Variants in GALNT10 observed in about 807,000 individuals in gnomAD.
GALNT10 encodes the protein polypeptide N-acetylgalactosaminyltransferase 10.
A neutral mutation model predicts 75.0 loss-of-function variants in GALNT10; 41 were observed. That is an observed-to-expected ratio of 0.55 (90% CI 0.43 to 0.71). The LOEUF (loss-of-function observed/expected upper bound fraction) is 0.71, where lower values mean the gene tolerates loss of function less well. Ranked by LOEUF, GALNT10 falls within the 30% of genes least tolerant of loss-of-function variation. The pLI is 0.00. For missense variants in GALNT10, 727 were observed against 818.5 expected (o/e 0.89, Z 1.36); for synonymous variants, 302 against 313.0 (o/e 0.96, Z 0.37).
chr5:154,259,055 A>G (rs556085954), intron 1 of GALNT10, among the ~76,000 whole-genome samples: 47 of 152,304 alleles, frequency 3.1e-4, no homozygotes, highest in Admixed American at 5.9e-4. Flanking sequence ...TATTGAAACA[A>G]TATTATTAAC....
At chr5:154,261,075 C>A (rs578050882) in intron 1 of GALNT10, among the ~76,000 whole-genome samples, 2 of 152,286 alleles carry the variant, frequency 1.3e-5, no homozygotes, top group African/African-American at 4.8e-5. Context: ...TGGGGACACC[C>A]ATTGTTAAAC....
intron 5 of GALNT10, 120 bp from the exon 6 acceptor site, chr5:154,380,328 T>C (rs991429218): frequency 6.3e-6 from 5 of 793,644 alleles, no homozygotes; most frequent in Middle Eastern, 5.1e-4. Flanking sequence ...TTCCCCTCCA[T>C]GGATTGTCAA....
At chr5:154,265,792 G>A (rs926376961) in intron 1 of GALNT10, among the ~76,000 whole-genome samples, 5 of 151,934 alleles carry the variant, frequency 3.3e-5, no homozygotes, top group South Asian at 2.1e-4. Context: ...GTGGGTTTTC[G>A]GTTTTCTGGA....
intron 1 of GALNT10, among the ~76,000 whole-genome samples, chr5:154,226,622 T>G (rs1581928113): frequency 6.6e-6 from 1 of 152,376 alleles, no homozygotes; most frequent in East Asian, 1.9e-4. Flanking sequence ...TATCTCTGTT[T>G]TCAGTGTTCT....
At chr5:154,386,494 G>A (rs762296591) in intron 7 of GALNT10, 64 bp downstream of exon 7, 2 of 1,025,648 alleles carry the variant, frequency 1.9e-6, no homozygotes, top group Non-Finnish European at 3.1e-6. Context: ...CCCAGTAGGT[G>A]TCTCAGCTTC....
At chr5:154,282,722 C>T (rs1295246699) in intron 1 of GALNT10, among the ~76,000 whole-genome samples, 1 of 152,218 alleles carries the variant, frequency 6.6e-6, no homozygotes, top group Non-Finnish European at 1.5e-5. Context: ...AGTCAATCCT[C>T]AGAACCCTTT....
At chr5:154,408,739 C>T (rs1026904414) in intron 8 of GALNT10, among the ~76,000 whole-genome samples, 4 of 152,126 alleles carry the variant, frequency 2.6e-5, no homozygotes. Flanking sequence ...GATGGAATTA[C>T]ACCTTTTGGT....
intron 1 of GALNT10, among the ~76,000 whole-genome samples, chr5:154,280,374 TA>T (rs1198628042): frequency 2.0e-5 from 3 of 152,184 alleles, no homozygotes; most frequent in Non-Finnish European, 4.4e-5. Flanking sequence ...AACAATAATT[TA>T]TTGTATTTTT....
At chr5:154,208,009 G>A (rs1775137103) in intron 1 of GALNT10, among the ~76,000 whole-genome samples, 1 of 152,130 alleles carries the variant, frequency 6.6e-6, no homozygotes, top group East Asian at 1.9e-4. Flanking sequence ...ACCAGACAAG[G>A]CAGAGGTGCT....
chr5:154,338,109 T>C (rs772436431), intron 4 of GALNT10: 18 of 1,053,684 alleles, frequency 1.7e-5, no homozygotes, highest in Non-Finnish European at 2.6e-5. Context: ...CCAGCAAATA[T>C]CTTTTTCACA....
intron 1 of GALNT10, among the ~76,000 whole-genome samples, chr5:154,246,141 TCA>T (rs1491297269): frequency 8.2e-6 from 1 of 121,498 alleles, no homozygotes; most frequent in Admixed American, 1.1e-4. Flanking sequence ...CATGAATTCA[TCA>T]TTTTTTTTGG....
Position 154,412,547 on chromosome 5 carries a change from G to A in GALNT10, c.1387-342G>A, listed in dbSNP as rs1470360701. 2.1e-5 allele frequency: 6 copies of A among 284,284 alleles called. No homozygotes were observed. The highest frequency in any genetic ancestry group is 4.1e-5 in the Non-Finnish European group (6 of 147,370). 17.6% of individuals were successfully genotyped at this position (284,284 alleles called of 1,614,324 possible). A position where few individuals can be genotyped will look rare whatever the true frequency, so the allele number is the denominator to read the frequency against. On this transcript the variant is annotated intron_variant, in intron 9 of 11. Transcript: ENST00000297107. This position sits in a 1 kb window ranked among gnomAD's most constrained non-coding sequence, Gnocchi z 4.2. ...TGCACCTGAGTCACCTGGAATGGGG[G>A]TAAAATCTGGTTCCTGGACCTGTCG...
intron 1 of GALNT10, among the ~76,000 whole-genome samples, chr5:154,283,991 G>A (rs1581955060): frequency 6.6e-6 from 1 of 152,210 alleles, no homozygotes; most frequent in Non-Finnish European, 1.5e-5. Context: ...ATTACAATAG[G>A]TTGGTGATGT....
Position 154,335,506 on chromosome 5 carries a change from C to T in GALNT10, c.568+5768C>T, listed in dbSNP as rs539397391. The stretch of plus-strand genomic sequence containing the variant: ...TTAGGGAAGGGAAGAATGTTCCAGG[C>T]AGAAAGAGCAGGACAAGCACAGGCT... On this transcript the variant is annotated intron_variant, in intron 4 of 11. Transcript: ENST00000297107. Among the ~76,000 whole-genome samples the T allele has an allele frequency of 2.0e-5, 3 of 152,200 alleles. No individual in the cohort carries two copies. The South Asian group carries it at 6.2e-4, about 32-fold the overall frequency.
Position 154,379,496 on chromosome 5 carries a change from A to G in GALNT10, c.755-952A>G, listed in dbSNP as rs530109867. 1.4e-3 allele frequency among the ~76,000 whole-genome samples: 216 copies of G among 152,290 alleles called. 1 individual carries two copies. The highest frequency in any genetic ancestry group is 7.7e-3 in the South Asian group (37 of 4,828). ...CCAGGCTCCCATTTCTGAGCCTCGAATTTGACTTCTGGCCCAAAGCAACCA... is the reference window on the plus strand; with the variant it reads ...CCAGGCTCCCATTTCTGAGCCTCGAGTTTGACTTCTGGCCCAAAGCAACCA... On this transcript the variant is annotated intron_variant, in intron 5 of 11. Coordinates refer to ENST00000297107, the MANE Select transcript of GALNT10 (RefSeq NM_198321.4).
At position 154,206,448 on chromosome 5, in the gene GALNT10, AAG is replaced by A. The variant is rs148648988; in HGVS notation, c.159+15424_159+15425del. On this transcript the variant is annotated intron_variant, in intron 1 of 11. Transcript: ENST00000297107. ...GCCTTGAGAGAGCTCCTAGTCTAAA[AAG>A]GGACGCAGACAAGTTCACGGGGATG... 8.1e-3 allele frequency among the ~76,000 whole-genome samples: 1,234 copies of A among 152,352 alleles called. 22 individuals are homozygous for A. The highest frequency in any genetic ancestry group is 0.028 in the African/African-American group (1,177 of 41,586).
At position 154,190,963 on chromosome 5, in the gene GALNT10, G is replaced by T; in HGVS notation, c.97G>T (p.Glu33Ter). The change falls in exon 1 of 12, where the codon GAG becomes TAG. Residue 33 changes from glutamate to a stop codon, truncating the protein, a stop_gained. Coordinates refer to ENST00000297107, the MANE Select transcript of GALNT10 (RefSeq NM_198321.4). LOFTEE classifies it high-confidence loss of function. Reference sequence around the variant, plus strand: ...CGTGGGGCTTTGGGCGCTGTACCGCGAGCGGCAGCCCGACGGCACCCCTGG... The same window carrying T: ...CGTGGGGCTTTGGGCGCTGTACCGCTAGCGGCAGCCCGACGGCACCCCTGG... ...PNVGLWALYR[E>*]RQPDGTPGGS... 6.6e-7 allele frequency: 1 copy of T among 1,508,110 alleles called. No individual in the cohort carries two copies. The highest frequency in any genetic ancestry group is 8.9e-7 in the Non-Finnish European group (1 of 1,129,836). 93.4% of individuals were successfully genotyped at this position (1,508,110 alleles called of 1,614,324 possible).
chr5:154,208,714 A>T (rs901998591), intron 1 of GALNT10, among the ~76,000 whole-genome samples: 3 of 152,240 alleles, frequency 2.0e-5, no homozygotes, highest in Non-Finnish European at 2.9e-5. Context: ...CAGTCAGGAC[A>T]GAGAAACCAC....
chr5:154,351,187 A>G (rs1755200032), intron 4 of GALNT10, among the ~76,000 whole-genome samples: 2 of 152,244 alleles, frequency 1.3e-5, no homozygotes. Flanking sequence ...CATTACTGTG[A>G]AGAAAATAAT....
Sources: gnomAD v4.1 joint callset for allele counts (sites outside exome capture counted in the v4.1 genomes callset) on GRCh38, gnomAD v4.1.1 for gene constraint, Gnocchi (gnomAD v3.1) non-coding constraint, MANE v1.5 for transcripts, NCBI Gene and HGNC (gene_info 2026-07-23, HGNC 2026-07-21) for gene names.